TRPM1: variants seen among roughly 807,000 people sequenced by gnomAD.
TRPM1 encodes the protein transient receptor potential cation channel subfamily M member 1.
A neutral mutation model predicts 149.4 loss-of-function variants in TRPM1; 113 were observed. That is an observed-to-expected ratio of 0.76 (90% CI 0.65 to 0.88). TRPM1 has a LOEUF of 0.88. Ranked by LOEUF, TRPM1 falls within the 40% of genes least tolerant of loss-of-function variation. The pLI, the probability that TRPM1 is intolerant of heterozygous loss-of-function variation, is 0.00. For synonymous variants in TRPM1, 741 were observed against 759.5 expected, an observed-to-expected ratio of 0.98 and a Z score of 0.40; for missense variants, 1,976 against 2,038.7, an observed-to-expected ratio of 0.97 and a Z score of 0.59.
At chr15:31,051,894 A>G (rs1052550271) in intron 11 of TRPM1, among the ~76,000 whole-genome samples, 1 of 152,196 alleles carries the variant, frequency 6.6e-6, no homozygotes, top group Admixed American at 6.5e-5. Flanking sequence ...TCTCAGGGAA[A>G]TGTTACCACA....
intron 1 of TRPM1, among the ~76,000 whole-genome samples, chr15:31,093,008 C>G (rs980376058): frequency 6.6e-6 from 1 of 152,152 alleles, no homozygotes; most frequent in Admixed American, 6.5e-5. Flanking sequence ...TGCCTGTAAT[C>G]CCAGCACTTT....
intron 1 of TRPM1, among the ~76,000 whole-genome samples, chr15:31,100,960 G>A (rs2035501863): frequency 6.6e-6 from 1 of 152,194 alleles, no homozygotes; most frequent in South Asian, 2.1e-4. Context: ...TTTGCTGCAT[G>A]TTGTTGAACT....
chr15:31,079,566 G>T (rs1277221000), intron 2 of TRPM1, among the ~76,000 whole-genome samples: 1 of 152,238 alleles, frequency 6.6e-6, no homozygotes, highest in African/African-American at 2.4e-5. Context: ...ATAACCTGGT[G>T]TCCAAAGTGA....
At chr15:31,135,961 C>A (rs1264028930) in intron 1 of TRPM1, among the ~76,000 whole-genome samples, 1 of 152,128 alleles carries the variant, frequency 6.6e-6, no homozygotes, top group African/African-American at 2.4e-5. Context: ...TGGACAAAGA[C>A]ACCCTTGAAA....
chr15:31,035,445 C>T, intron 21 of TRPM1, 101 bp downstream of exon 21: 6 of 1,543,756 alleles, frequency 3.9e-6, no homozygotes, highest in Non-Finnish European at 5.4e-6. Context: ...CACGCCTGGC[C>T]CAACATGCAT....
chr15:31,049,190 A>G (rs1412239704), intron 13 of TRPM1, among the ~76,000 whole-genome samples, 185 bp downstream of exon 13: 1 of 152,206 alleles, frequency 6.6e-6, no homozygotes, highest in Non-Finnish European at 1.5e-5. Context: ...GAGGCATGGC[A>G]GGAGGTGGTG....
chr15:31,045,911 T>C (rs2033748569), intron 16 of TRPM1, among the ~76,000 whole-genome samples: 1 of 152,216 alleles, frequency 6.6e-6, no homozygotes, highest in African/African-American at 2.4e-5. Flanking sequence ...TTTTTGGTGT[T>C]ATTTTTGGTT....
intron 1 of TRPM1, among the ~76,000 whole-genome samples, chr15:31,157,862 C>T (rs773244864): frequency 6.6e-6 from 1 of 152,160 alleles, no homozygotes; most frequent in Non-Finnish European, 1.5e-5. Context: ...AAGACTCGTA[C>T]ATAGTGCAGT....
intron 1 of TRPM1, among the ~76,000 whole-genome samples, chr15:31,157,596 T>A (rs1213535667): frequency 6.6e-6 from 1 of 152,116 alleles, no homozygotes; most frequent in Non-Finnish European, 1.5e-5. Context: ...TTCTCCTGCA[T>A]GAGTACTTGG....
At chr15:31,130,659 C>A (rs2036004924) in intron 1 of TRPM1, among the ~76,000 whole-genome samples, 1 of 152,138 alleles carries the variant, frequency 6.6e-6, no homozygotes, top group Non-Finnish European at 1.5e-5. Context: ...TTCTGATGCA[C>A]CAGCTGATGC....
At position 31,124,515 on chromosome 15, in the gene TRPM1, G is replaced by T. The variant is rs374481292; in HGVS notation, c.54+36391C>A. Among the ~76,000 whole-genome samples the T allele has an allele frequency of 2.0e-5, 3 of 151,718 alleles. No individual in the cohort carries two copies. The South Asian group carries it at 6.3e-4, about 32-fold the overall frequency. On this transcript the variant is annotated intron_variant, in intron 1 of 26. Coordinates refer to the TRPM1 transcript ENST00000542188. The stretch of plus-strand genomic sequence containing the variant: ...CTAAAAATTCAAAAATTAGTCAGGC[G>T]TGGTGGTGCACACCTGTAATCCCAG...
In TRPM1 at chr15:31,040,422, G is replaced by C. The variant is rs148466801; in HGVS notation, c.2088-76C>G. 4.6e-5 allele frequency: 58 copies of C among 1,247,772 alleles called. No individual in the cohort carries two copies. The African/African-American group carries it at 8.2e-4, about 18-fold the overall frequency. The allele number at this position is 1,247,772 out of a possible 1,614,324, so 77.3% of individuals were successfully genotyped here. A position where few individuals can be genotyped will look rare whatever the true frequency, so the allele number is the denominator to read the frequency against. ...TTTCTTAGACAGGCATATCCACCAA[G>C]GACTTATGGAGCCACGGGACACAGT... On this transcript the variant is annotated intron_variant, in intron 17 of 27. Transcript: ENST00000256552. The surrounding 1 kb of genome is among the most constrained non-coding windows in gnomAD (Gnocchi z 4.2).
At chr15:31,157,377 C>T (rs2036391246) in intron 1 of TRPM1, among the ~76,000 whole-genome samples, 1 of 152,178 alleles carries the variant, frequency 6.6e-6, no homozygotes, top group African/African-American at 2.4e-5. Flanking sequence ...TGGTCTTCTA[C>T]AGCATGAATG....
In TRPM1 at chr15:31,062,699, T is replaced by C. The variant is rs752408390; in HGVS notation, c.969A>G (p.Ile323Met). ...GCTGCTCCCTGAGGGACTCATTTAT[T>C]ATTCTGTTCAAAGAAAATGCAAGAG... ...FAHKYCEEGG[I>M]INESLREQLL... Residue 323 changes from isoleucine (I) to methionine (M), a missense_variant, in exon 9 of 28, where the codon ATA (isoleucine) becomes ATG (methionine). This residue lies in a region of TRPM1 where 1,332 missense variants were observed against 1,347.1 expected (regional missense o/e 0.99). Transcript: ENST00000256552. The C allele has an allele frequency of 5.6e-6, 9 of 1,613,872 alleles. No individual in the cohort carries two copies. The Admixed American group carries it at 1.5e-4, about 27-fold the overall frequency.
chr15:31,001,792 T>TA lies in TRPM1; in HGVS notation c.*29dup, dbSNP rs563082388. 11,035 of 1,129,630 alleles carry TA rather than the reference T, an allele frequency of 9.8e-3. No individual in the cohort carries two copies. Among genetic ancestry groups the TA allele is most frequent in the Non-Finnish European group, 0.011 (8,891 of 812,474 alleles). 70.0% of individuals were successfully genotyped at this position (1,129,630 alleles called of 1,614,324 possible). A position where few individuals can be genotyped will look rare whatever the true frequency, so the allele number is the denominator to read the frequency against. On this transcript the variant is annotated 3_prime_UTR_variant, in exon 28 of 28. Coordinates refer to ENST00000256552, the MANE Select transcript of TRPM1 (RefSeq NM_001252024.2). ...GACACCCATTAGTGGTTCTGACTGT[T>TA]AAAAAAAAAAATTAAAGAAACAAAA... is the stretch of plus-strand genomic sequence containing the variant.
intron 1 of TRPM1, among the ~76,000 whole-genome samples, chr15:31,159,484 A>G (rs570669635): frequency 5.9e-5 from 9 of 152,158 alleles, no homozygotes; most frequent in Non-Finnish European, 1.0e-4. Flanking sequence ...GCAGCAGTGC[A>G]TTTGCGAATG....
At chr15:31,137,070 T>C (rs2036099244) in intron 1 of TRPM1, among the ~76,000 whole-genome samples, 1 of 152,190 alleles carries the variant, frequency 6.6e-6, no homozygotes, top group Admixed American at 6.5e-5. Context: ...TGCTCTCTGA[T>C]ATTTTTGGCA....
chr15:31,134,124 G>A (rs1012820711), intron 1 of TRPM1, among the ~76,000 whole-genome samples: 10 of 152,212 alleles, frequency 6.6e-5, no homozygotes, highest in African/African-American at 2.4e-4. Context: ...AGGGGAATGG[G>A]ACAGGCTCAG....
Position 31,042,026 on chromosome 15 carries a change from T to C in TRPM1, c.2012A>G (p.Tyr671Cys), listed in dbSNP as rs769948943. ...MAKALVACKL[Y>C]KAMAHESSES... ...GGAGGACTCGTGGGCCATGGCCTTG[T>C]AGAGCTTGCAGGCCACCAGGGCCTT... The change falls in exon 17 of 28, where the codon TAC becomes TGC. Residue 671 changes from tyrosine to cysteine, a missense_variant. Physicochemically the swap from Tyr to Cys is radical, Grantham distance 194 (BLOSUM62 -2). Around this residue, in one of 3 missense-constraint regions of TRPM1, gnomAD observed 1,332 missense variants for 1,347.1 expected, o/e 0.99. Transcript: ENST00000256552. 1.9e-6 allele frequency: 3 copies of C among 1,614,242 alleles called. No homozygotes were observed. Among genetic ancestry groups the C allele is most frequent in the South Asian group, 1.1e-5 (1 of 91,088 alleles).
Sources: allele counts gnomAD v4.1 joint callset (sites outside exome capture counted in the v4.1 genomes callset), GRCh38; gene constraint gnomAD v4.1.1; regional missense constraint gnomAD v4.1.1; non-coding constraint Gnocchi (gnomAD v3.1); transcripts MANE v1.5; gene names NCBI Gene and HGNC (gene_info 2026-07-23, HGNC 2026-07-21).